DTNB: variants seen among roughly 807,000 people sequenced by gnomAD.
DTNB encodes the protein dystrobrevin beta.
DTNB carries 63 observed loss-of-function variants against 90.7 expected under a neutral mutation model. That is an observed-to-expected ratio of 0.69 (90% CI 0.57 to 0.86). DTNB has a LOEUF of 0.86. Among genes scored for constraint, DTNB ranks in the 40% least tolerant of loss-of-function variants. The pLI, the probability that DTNB is intolerant of heterozygous loss-of-function variation, is 0.00. For missense variants in DTNB, 744 were observed against 807.1 expected (o/e 0.92, Z 0.95); for synonymous variants, 277 against 286.7 (o/e 0.97, Z 0.34).
intron 8 of DTNB, among the ~76,000 whole-genome samples, chr2:25,559,441 C>T (rs930434689): frequency 1.3e-5 from 2 of 152,218 alleles, no homozygotes; most frequent in Non-Finnish European, 2.9e-5. Context: ...CCTCCTAGAA[C>T]CACACTGCCA....
chr2:25,611,204 G>A (rs560494340), intron 4 of DTNB, among the ~76,000 whole-genome samples: 1 of 152,268 alleles, frequency 6.6e-6, no homozygotes, highest in East Asian at 1.9e-4. Context: ...TGAATATACT[G>A]CATTTTATCC....
At chr2:25,646,657 T>C (rs1224510183) in intron 2 of DTNB, among the ~76,000 whole-genome samples, 1 of 152,170 alleles carries the variant, frequency 6.6e-6, no homozygotes, top group Non-Finnish European at 1.5e-5. Flanking sequence ...CTTTTAAATC[T>C]ACCTATAAGC....
intron 16 of DTNB, among the ~76,000 whole-genome samples, chr2:25,395,161 T>C (rs1019339670): frequency 1.3e-5 from 2 of 152,178 alleles, no homozygotes; most frequent in Non-Finnish European, 2.9e-5. Context: ...TTCTCACTCA[T>C]ATGTGGGAGC....
chr2:25,506,690 C>T (rs1020284007), intron 9 of DTNB, among the ~76,000 whole-genome samples: 1 of 152,096 alleles, frequency 6.6e-6, no homozygotes, highest in Admixed American at 6.6e-5. Flanking sequence ...TAAAAATGTA[C>T]AAATATTATG....
chr2:25,490,819 AC>A (rs2067234692), intron 9 of DTNB, among the ~76,000 whole-genome samples: 1 of 152,172 alleles, frequency 6.6e-6, no homozygotes, highest in Admixed American at 6.5e-5. Context: ...AGCTTTAAAT[AC>A]ATTATTTATG....
chr2:25,609,657 TACACACACACAC>T (rs4007298), intron 4 of DTNB, among the ~76,000 whole-genome samples: 6,990 of 126,988 alleles, frequency 0.055, 470 homozygotes, highest in African/African-American at 0.16. Flanking sequence ...TAATAGAATG[TACACACACACAC>T]ACACACACAC....
chr2:25,484,737 A>T (rs577193145), intron 9 of DTNB, among the ~76,000 whole-genome samples: 2 of 152,342 alleles, frequency 1.3e-5, no homozygotes, highest in African/African-American at 4.8e-5. Flanking sequence ...GTCTCTAAGT[A>T]AGACATTTAG....
chr2:25,628,466 T>C, intron 3 of DTNB, 82 bp from the exon 4 acceptor site: 5 of 1,311,548 alleles, frequency 3.8e-6, no homozygotes, highest in Non-Finnish European at 5.2e-6. Flanking sequence ...ATTTATCAAC[T>C]AGTTCTTAAG....
At chr2:25,639,135 T>C (rs1043124862) in intron 2 of DTNB, 41 bp from the exon 3 acceptor site, 6 of 1,515,950 alleles carry the variant, frequency 4.0e-6, no homozygotes, top group East Asian at 2.4e-5. Flanking sequence ...AGATTTACCA[T>C]TTAGTTTCCA....
chr2:25,653,605 G>A (rs2081480590), intron 1 of DTNB, among the ~76,000 whole-genome samples: 1 of 148,342 alleles, frequency 6.7e-6, no homozygotes, highest in Non-Finnish European at 1.5e-5. Context: ...TCCGACTCCC[G>A]GGTTCAAGCA....
rs545501569 is a variant in DTNB, at chr2:25,504,881, C to T, written c.1002-22008G>A. Among the ~76,000 whole-genome samples, 24 of 152,158 alleles carry T rather than the reference C, an allele frequency of 1.6e-4. No homozygotes were observed. The South Asian group carries it at 3.7e-3, about 24-fold the overall frequency. On this transcript the variant is annotated intron_variant, in intron 9 of 20. Transcript: ENST00000406818. ...AGCTGACTCTAAATGCACATGGAAA[C>T]GCAACAGACATAGCCCAAAAAGCGT... is the stretch of plus-strand genomic sequence containing the variant.
At chr2:25,574,818 AAAAT>A (rs1279190773) in intron 8 of DTNB, among the ~76,000 whole-genome samples, 3 of 152,230 alleles carry the variant, frequency 2.0e-5, no homozygotes, top group African/African-American at 7.2e-5. Context: ...CTCTTTAACA[AAAAT>A]AAAGGAATTC....
intron 18 of DTNB, among the ~76,000 whole-genome samples, chr2:25,384,961 C>T (rs2039052229): frequency 6.6e-6 from 1 of 151,818 alleles, no homozygotes; most frequent in African/African-American, 2.4e-5. Flanking sequence ...TCACTGCAAT[C>T]TCTGCATCCC....
intron 9 of DTNB, among the ~76,000 whole-genome samples, chr2:25,522,769 C>T (rs1399991143): frequency 6.7e-6 from 1 of 149,226 alleles, no homozygotes; most frequent in Non-Finnish European, 1.5e-5. Flanking sequence ...GGTGCAATCT[C>T]GGCTCGCTGC....
At chr2:25,547,511 C>T (rs1018580683) in intron 8 of DTNB, among the ~76,000 whole-genome samples, 2 of 151,854 alleles carry the variant, frequency 1.3e-5, no homozygotes, top group African/African-American at 4.8e-5. Context: ...TTAGTGGAGA[C>T]GAGGTTTCAC....
intron 16 of DTNB, among the ~76,000 whole-genome samples, chr2:25,402,737 C>T (rs911049894): frequency 3.3e-5 from 5 of 152,114 alleles, no homozygotes; most frequent in African/African-American, 9.7e-5. Flanking sequence ...AGGCAAGCTG[C>T]GGTAAGACAG....
At position 25,616,963 on chromosome 2, in the gene DTNB, G is replaced by T. The variant is rs1345377436; in HGVS notation, c.363-9642C>A. Among the ~76,000 whole-genome samples the T allele has an allele frequency of 4.1e-4, 43 of 105,894 alleles. No homozygotes were observed. The East Asian group carries it at 7.3e-3, about 18-fold the overall frequency. 69.5% of individuals were successfully genotyped at this position (105,894 alleles called of 152,430 possible). A position where few individuals can be genotyped will look rare whatever the true frequency, so the allele number is the denominator to read the frequency against. The stretch of plus-strand genomic sequence containing the variant: ...AAAAAAAAAAAAAAAGGAAAAAAAA[G>T]ACTCATTAACCCCTCAATTAAGTAT... On this transcript the variant is annotated intron_variant, in intron 4 of 20. Coordinates refer to ENST00000406818, the MANE Select transcript of DTNB (RefSeq NM_021907.5).
intron 1 of DTNB, among the ~76,000 whole-genome samples, chr2:25,665,228 G>C (rs1174780411): frequency 6.6e-6 from 1 of 152,088 alleles, no homozygotes; most frequent in African/African-American, 2.4e-5. Flanking sequence ...AACCCTGCCA[G>C]CTCTCAGCTA....
At chr2:25,447,698 G>A (rs1290778221) in intron 12 of DTNB, among the ~76,000 whole-genome samples, 3 of 151,450 alleles carry the variant, frequency 2.0e-5, no homozygotes, top group Non-Finnish European at 2.9e-5. Context: ...TAGTAGAGAC[G>A]GGGTTTCACC....
Sources: gnomAD v4.1 joint callset for allele counts (sites outside exome capture counted in the v4.1 genomes callset) on GRCh38, gnomAD v4.1.1 for gene constraint, MANE v1.5 for transcripts, NCBI Gene and HGNC (gene_info 2026-07-23, HGNC 2026-07-21) for gene names.